Variants in SS18L1 observed in about 807,000 individuals in gnomAD.
SS18L1 encodes the protein calcium-responsive transactivator.
A neutral mutation model predicts 70.3 loss-of-function variants in SS18L1; 32 were observed. The ratio of observed to expected loss-of-function variants is 0.46; its 90% CI spans 0.34 to 0.61. The LOEUF (loss-of-function observed/expected upper bound fraction) is 0.61. Among genes scored for constraint, SS18L1 ranks in the 20% least tolerant of loss-of-function variants. The pLI is 0.01. For synonymous variants in SS18L1, 237 were observed against 229.7 expected, an observed-to-expected ratio of 1.03 and a Z score of -0.29; for missense variants, 430 against 542.1, an observed-to-expected ratio of 0.79 and a Z score of 2.05.
chr20:62,150,106 G>A (rs916979509), intron 1 of SS18L1, among the ~76,000 whole-genome samples: 3 of 152,166 alleles, frequency 2.0e-5, no homozygotes, highest in African/African-American at 4.8e-5. Flanking sequence ...AGCATACAGC[G>A]GTGGGGCCGT....
rs2057709004 is a variant in SS18L1 at position 62,181,518 on chromosome 20, G to C, written c.*2310G>C. ...AAGTGCTGTATTAATAATACTTTCT[G>C]AAAGAAAAGGACACTTACCCCAAAA... On this transcript the variant is annotated 3_prime_UTR_variant, in exon 11 of 11. Coordinates refer to ENST00000331758, the MANE Select transcript of SS18L1 (RefSeq NM_198935.3). The C allele has an allele frequency of 4.7e-6, 1 of 213,056 alleles. No individual in the cohort carries two copies. The highest frequency in any genetic ancestry group is 9.5e-6 in the Non-Finnish European group (1 of 105,304). The allele number at this position is 213,056 out of a possible 1,614,324, so 13.2% of individuals were successfully genotyped here.
intron 1 of SS18L1, among the ~76,000 whole-genome samples, chr20:62,150,198 G>A (rs1487858597): frequency 2.0e-5 from 3 of 152,240 alleles, no homozygotes; most frequent in African/African-American, 4.8e-5. Flanking sequence ...CCGACTTCAC[G>A]GATTCCACAG....
At chr20:62,167,920 A>G (rs1292026865) in intron 8 of SS18L1, among the ~76,000 whole-genome samples, 2 of 145,770 alleles carry the variant, frequency 1.4e-5, no homozygotes, top group Non-Finnish European at 3.0e-5. Flanking sequence ...GGCTCAAGTG[A>G]TCCTCCTGCT....
intron 7 of SS18L1, among the ~76,000 whole-genome samples, chr20:62,164,863 C>G (rs1276015141): frequency 6.6e-6 from 1 of 152,188 alleles, no homozygotes; most frequent in Non-Finnish European, 1.5e-5. Flanking sequence ...CACCACACTC[C>G]AGCCTTGGTG....
chr20:62,163,126 T>A (rs2145742836), intron 5 of SS18L1, among the ~76,000 whole-genome samples, 195 bp downstream of exon 5: 1 of 152,230 alleles, frequency 6.6e-6, no homozygotes, highest in South Asian at 2.1e-4. Flanking sequence ...CACGATCAAC[T>A]CCTCCTGTCC....
At position 62,151,643 on chromosome 20, in the gene SS18L1, G is replaced by C. The variant is rs1449355498; in HGVS notation, c.70-7029G>C. Among the ~76,000 whole-genome samples the C allele has an allele frequency of 2.0e-5, 3 of 152,188 alleles. No individual in the cohort carries two copies. In the East Asian group the frequency reaches 5.8e-4, roughly 29 times the overall value. On this transcript the variant is annotated intron_variant, in intron 1 of 10. Coordinates refer to ENST00000331758, the MANE Select transcript of SS18L1 (RefSeq NM_198935.3). The stretch of plus-strand genomic sequence containing the variant: ...AGAATCATGAGAACTAAGAAATCAT[G>C]TTTCAACCACGCGGCTCCGGGAGGT...
chr20:62,157,283 C>T (rs1339085016), intron 1 of SS18L1, among the ~76,000 whole-genome samples: 1 of 152,214 alleles, frequency 6.6e-6, no homozygotes, highest in Non-Finnish European at 1.5e-5. Flanking sequence ...TGTGTGGACG[C>T]AAGGCCTTGG....
Position 62,179,849 on chromosome 20 carries a change from C to T in SS18L1, c.*641C>T, listed in dbSNP as rs73137267. 3.7e-4 allele frequency: 84 copies of T among 226,676 alleles called. No individual in the cohort carries two copies. The highest frequency in any genetic ancestry group is 3.4e-4 in the Admixed American group (6 of 17,562). The allele number at this position is 226,676 out of a possible 1,614,324, so 14.0% of individuals were successfully genotyped here. ...CCCATTGCCTGTCTCTCGCCAATTC[C>T]GTTTATCCAAAAAGGTACATGTTTT... On this transcript the variant is annotated 3_prime_UTR_variant, in exon 11 of 11. Transcript: ENST00000331758.
At chr20:62,166,570 C>T (rs1414485475) in intron 8 of SS18L1, among the ~76,000 whole-genome samples, 2 of 152,028 alleles carry the variant, frequency 1.3e-5, no homozygotes, top group Non-Finnish European at 2.9e-5. Context: ...GTTGAAATGT[C>T]AGTTACACCT....
At chr20:62,178,874 G>A (rs2057665986) in intron 10 of SS18L1, among the ~76,000 whole-genome samples, 1 of 152,208 alleles carries the variant, frequency 6.6e-6, no homozygotes, top group Non-Finnish European at 1.5e-5. Context: ...CTCCCAGTGG[G>A]GCCAGCTTGG....
Position 62,161,255 on chromosome 20 carries a change from A to G in SS18L1, c.232-181A>G, listed in dbSNP as rs1020827070. ...CCCAGATGCTCACTCTGCCATCTCC[A>G]TCTGGGCCTGGTGCTCTGCGGTCAC... On this transcript the variant is annotated intron_variant, in intron 3 of 10. Transcript: ENST00000331758. This position sits in a 1 kb window ranked among gnomAD's most constrained non-coding sequence, Gnocchi z 4.4. Among the ~76,000 whole-genome samples the G allele has an allele frequency of 2.0e-5, 3 of 150,614 alleles. No individual in the cohort carries two copies. The highest frequency in any genetic ancestry group is 7.3e-5 in the African/African-American group (3 of 40,932).
chr20:62,144,656 G>C (rs574051018), intron 1 of SS18L1, among the ~76,000 whole-genome samples: 1 of 152,388 alleles, frequency 6.6e-6, no homozygotes, highest in Non-Finnish European at 1.5e-5. Context: ...GTTCGGCCTT[G>C]TGGTTTTCAA....
At chr20:62,172,157 C>T (rs919008907) in intron 8 of SS18L1, among the ~76,000 whole-genome samples, 2 of 151,088 alleles carry the variant, frequency 1.3e-5, no homozygotes, top group Admixed American at 6.6e-5. Context: ...GAGCGAAACT[C>T]CATCTCAAAA....
intron 1 of SS18L1, among the ~76,000 whole-genome samples, chr20:62,146,886 A>G (rs1308635661): frequency 6.6e-6 from 1 of 151,446 alleles, no homozygotes; most frequent in Non-Finnish European, 1.5e-5. Context: ...TTAGCCTCCC[A>G]AAGTGCTGGG....
rs2057275706 is a variant in SS18L1, at chr20:62,158,984, A to G, written c.146+236A>G. 3 of 1,539,530 alleles carry G rather than the reference A, an allele frequency of 1.9e-6. 1 individual carries two copies. The highest frequency in any genetic ancestry group is 2.5e-5 in the East Asian group (1 of 40,700). On this transcript the variant is annotated intron_variant, in intron 2 of 10. Coordinates refer to ENST00000331758, the MANE Select transcript of SS18L1 (RefSeq NM_198935.3). The surrounding 1 kb of genome is among the most constrained non-coding windows in gnomAD (Gnocchi z 4.5). ...GAGTCCCCCAGCACGGAGGCCAGAT[A>G]TGTCCCGAGAGTCCCCCAGCACGGA...
intron 1 of SS18L1, among the ~76,000 whole-genome samples, chr20:62,151,709 G>T (rs1325426839): frequency 6.6e-6 from 1 of 152,212 alleles, no homozygotes; most frequent in East Asian, 1.9e-4. Context: ...GCCGCGTTGG[G>T]ATCTTGGTCC....
intron 8 of SS18L1, among the ~76,000 whole-genome samples, chr20:62,170,701 C>T (rs1159973162): frequency 6.6e-6 from 1 of 152,236 alleles, no homozygotes; most frequent in African/African-American, 2.4e-5. Flanking sequence ...ATCTCAGCAG[C>T]CCCCTTTCTT....
chr20:62,148,163 C>A (rs114427846), intron 1 of SS18L1, among the ~76,000 whole-genome samples: 1 of 152,236 alleles, frequency 6.6e-6, no homozygotes, highest in African/African-American at 2.4e-5. Flanking sequence ...GGGGTTGGGT[C>A]CCCTCATTCC....
At chr20:62,160,396 G>C in intron 3 of SS18L1, among the ~76,000 whole-genome samples, 1 of 141,336 alleles carries the variant, frequency 7.1e-6, no homozygotes, top group Middle Eastern at 3.6e-3. Context: ...GTGGGGAGAG[G>C]TGGGATGGGG....
Sources: gnomAD v4.1 joint callset for allele counts (sites outside exome capture counted in the v4.1 genomes callset) on GRCh38, gnomAD v4.1.1 for gene constraint, Gnocchi (gnomAD v3.1) non-coding constraint, MANE v1.5 for transcripts, NCBI Gene and HGNC (gene_info 2026-07-23, HGNC 2026-07-21) for gene names.